The following REV1 variants were observed in gnomAD, a reference collection of about 807,000 sequenced individuals.
REV1 encodes translesion synthesis protein REV1.
Under a neutral mutation model 137.4 loss-of-function variants are expected in REV1, and 42 were observed. That is an observed-to-expected ratio of 0.31 (90% CI 0.24 to 0.40). The LOEUF is 0.40. REV1 is among the 10% of genes least tolerant of loss of function. The pLI is 1.00. For synonymous variants in REV1, 524 were observed against 519.2 expected, an observed-to-expected ratio of 1.01 and a Z score of -0.12; for missense variants, 1,282 against 1,490.1, an observed-to-expected ratio of 0.86 and a Z score of 2.30.
Position 99,429,923 on chromosome 2 carries a change from C to A in REV1, c.1464G>T (p.Trp488Cys). Residue 488 changes from tryptophan (W) to cysteine (C), a missense_variant, in exon 9 of 23, where the codon TGG (tryptophan) becomes TGT (cysteine). Trp to Cys is a radical substitution (Grantham distance 215). This residue lies in a region of REV1 where 432 missense variants were observed against 438.0 expected (regional missense o/e 0.99). Coordinates refer to ENST00000258428, the MANE Select transcript of REV1 (RefSeq NM_016316.4). ...TTGCTTGCGCAGAATCTGGATTCTC[C>A]CACAATGATGAATCTGGTATATCTG... The part of the protein sequence containing the change: ...KAADIPDSSL[W>C]ENPDSAQANG... 1 of 1,598,802 alleles carries A rather than the reference C, an allele frequency of 6.3e-7. No homozygotes were observed. The highest frequency in any genetic ancestry group is 8.5e-7 in the Non-Finnish European group (1 of 1,172,888).
At chr2:99,471,519 G>A (rs2105226533) in intron 1 of REV1, among the ~76,000 whole-genome samples, 1 of 152,232 alleles carries the variant, frequency 6.6e-6, no homozygotes, top group South Asian at 2.1e-4. Context: ...ATTTTGCAAT[G>A]ACTTTTTGGG....
chr2:99,471,807 G>A (rs1016976424), intron 1 of REV1, among the ~76,000 whole-genome samples: 1 of 148,464 alleles, frequency 6.7e-6, no homozygotes, highest in Non-Finnish European at 1.5e-5. Flanking sequence ...ACAAAAAAAC[G>A]TTCAGTGTCA....
upstream of REV1, chr2:99,490,111 G>A (rs560857560): frequency 8.0e-5 from 12 of 149,108 alleles, no homozygotes; most frequent in Non-Finnish European, 1.5e-4. Context: ...TCACAGCCGC[G>A]CGGCGCACGC....
chr2:99,449,589 T>C (rs1682682129), intron 3 of REV1, 85 bp from the exon 4 acceptor site: 1 of 604,200 alleles, frequency 1.7e-6, no homozygotes, highest in Non-Finnish European at 2.5e-6. Flanking sequence ...TAGGTCAACT[T>C]TAAGAATGTC....
rs1256893538 is a variant in REV1 at position 99,490,010 on chromosome 2, G to C, written c.-204C>G. On this transcript the variant is annotated 5_prime_UTR_variant, in exon 1 of 23. Coordinates refer to ENST00000258428, the MANE Select transcript of REV1 (RefSeq NM_016316.4). Reference sequence around the variant, plus strand: ...GCAACCAACCCCGCGCGCGCTCCGCGGTGGCTCTCCGCCCCTCCCCCTCCG... The same window carrying C: ...GCAACCAACCCCGCGCGCGCTCCGCCGTGGCTCTCCGCCCCTCCCCCTCCG... The C allele has an allele frequency of 2.0e-5, 3 of 148,958 alleles. No homozygotes were observed. The highest frequency in any genetic ancestry group is 4.9e-5 in the African/African-American group (2 of 40,790). 9.2% of individuals were successfully genotyped at this position (148,958 alleles called of 1,614,324 possible). A position where few individuals can be genotyped will look rare whatever the true frequency, so the allele number is the denominator to read the frequency against.
At chr2:99,462,802 G>C (rs1435087870) in intron 2 of REV1, 180 bp from the exon 3 acceptor site, 7 of 583,220 alleles carry the variant, frequency 1.2e-5, no homozygotes, top group Non-Finnish European at 2.0e-5. Context: ...AAACAGGAAA[G>C]TTGGGCCGGG....
At position 99,410,989 on chromosome 2, in the gene REV1, T is replaced by A. The variant is rs1035351677; in HGVS notation, c.2173-122A>T. ...GTTACTCACTATCACGCTCAGCATC[T>A]ATTAAAAAGAAACGTGGCCAGGCGC... On this transcript the variant is annotated intron_variant, in intron 13 of 22. Coordinates refer to ENST00000258428, the MANE Select transcript of REV1 (RefSeq NM_016316.4). 7 of 926,174 alleles carry A rather than the reference T, an allele frequency of 7.6e-6. No individual in the cohort carries two copies. The Admixed American group carries it at 2.2e-4, about 29-fold the overall frequency. 57.4% of individuals were successfully genotyped at this position (926,174 alleles called of 1,614,324 possible).
At chr2:99,456,058 C>G (rs897560008) in intron 3 of REV1, among the ~76,000 whole-genome samples, 1 of 152,204 alleles carries the variant, frequency 6.6e-6, no homozygotes, top group Non-Finnish European at 1.5e-5. Flanking sequence ...CTGAAGCACT[C>G]ACTCCCCCTG....
intron 3 of REV1, among the ~76,000 whole-genome samples, chr2:99,454,148 G>C (rs1346995972): frequency 4.0e-5 from 6 of 151,062 alleles, no homozygotes; most frequent in Non-Finnish European, 7.4e-5. Flanking sequence ...TGAAAGATTT[G>C]GGAGGCTGAG....
chr2:99,404,820 C>T (rs1224894737), intron 17 of REV1, 143 bp from the exon 18 acceptor site: 2 of 673,260 alleles, frequency 3.0e-6, no homozygotes, highest in African/African-American at 1.8e-5. Flanking sequence ...AGGAAAGCCA[C>T]CTCCAAATCA....
Position 99,438,873 on chromosome 2 carries a change from T to G in REV1, c.941A>C (p.His314Pro). The part of the protein sequence containing the change: ...HSNTKINGAH[H>P]STVQGPSSTK... ...GCTTGAAGGCCCCTGAACAGTGGAG[T>G]GGTGAGCACCATTGATTTTAGTGTT... Residue 314 changes from histidine (H) to proline (P), a missense_variant, in exon 6 of 23, where the codon CAC becomes CCC. Physicochemically the swap from His to Pro is moderately conservative, Grantham distance 77. Around this residue, in one of 7 missense-constraint regions of REV1, gnomAD observed 432 missense variants for 438.0 expected, o/e 0.99. Coordinates refer to ENST00000258428, the MANE Select transcript of REV1 (RefSeq NM_016316.4). 6.2e-7 allele frequency: 1 copy of G among 1,614,118 alleles called. No individual in the cohort carries two copies. Among genetic ancestry groups the G allele is most frequent in the Middle Eastern group, 1.6e-4 (1 of 6,062 alleles).
chr2:99,402,599 CG>C (rs1559271834), intron 21 of REV1, 44 bp downstream of exon 21: 2 of 1,516,722 alleles, frequency 1.3e-6, no homozygotes, highest in East Asian at 4.5e-5. Context: ...AATCATGAGA[CG>C]ACTACATCTC....
chr2:99,438,568 T>C, intron 6 of REV1, 33 bp downstream of exon 6: 1 of 1,514,210 alleles, frequency 6.6e-7, no homozygotes, highest in Non-Finnish European at 9.1e-7. Context: ...AGCATGACTG[T>C]TTCTTAAGAA....
intron 3 of REV1, among the ~76,000 whole-genome samples, chr2:99,458,073 A>C (rs1407290520): frequency 3.9e-5 from 6 of 152,220 alleles, no homozygotes. Context: ...TTGCAAGCAC[A>C]ATCCATAAAA....
intron 3 of REV1, among the ~76,000 whole-genome samples, 156 bp downstream of exon 3, chr2:99,462,340 G>C (rs1246998807): frequency 6.6e-6 from 1 of 152,110 alleles, no homozygotes; most frequent in Non-Finnish European, 1.5e-5. Context: ...AAGCAACATG[G>C]AAAGGAAAAA....
At chr2:99,428,788 A>G (rs894749351) in intron 9 of REV1, among the ~76,000 whole-genome samples, 1 of 151,940 alleles carries the variant, frequency 6.6e-6, no homozygotes, top group Non-Finnish European at 1.5e-5. Context: ...GAGGTCAGTT[A>G]GCCATCCTGG....
intron 4 of REV1, among the ~76,000 whole-genome samples, chr2:99,444,977 G>GT (rs1405067618): frequency 2.0e-5 from 3 of 152,076 alleles, no homozygotes; most frequent in Non-Finnish European, 4.4e-5. Flanking sequence ...TATACACTGA[G>GT]TTTTTTCATG....
intron 1 of REV1, among the ~76,000 whole-genome samples, chr2:99,484,801 C>A (rs1266304191): frequency 6.6e-6 from 1 of 152,106 alleles, no homozygotes; most frequent in Non-Finnish European, 1.5e-5. Context: ...CAAACAAAAA[C>A]CTTGTCATTT....
chr2:99,416,121 G>A (rs1192137333), intron 12 of REV1, among the ~76,000 whole-genome samples: 7 of 152,246 alleles, frequency 4.6e-5, no homozygotes, highest in Admixed American at 4.6e-4. Context: ...GACTAAAGAG[G>A]TTGGAGATGG....
Sources: gnomAD v4.1 joint callset for allele counts (sites outside exome capture counted in the v4.1 genomes callset) on GRCh38, gnomAD v4.1.1 for gene constraint, gnomAD v4.1.1 regional missense constraint, MANE v1.5 for transcripts, NCBI Gene and HGNC (gene_info 2026-07-23, HGNC 2026-07-21) for gene names.